Variants in COL7A1 observed in about 807,000 individuals in gnomAD.
COL7A1 encodes the protein collagen alpha-1(VII) chain.
COL7A1 carries 296 observed loss-of-function variants against 456.2 expected under a neutral mutation model. That is an observed-to-expected ratio of 0.65 (90% CI 0.59 to 0.71). The LOEUF is 0.71. Among genes scored for constraint, COL7A1 ranks in the 30% least tolerant of loss-of-function variants. The probability of loss-of-function intolerance (pLI) is 0.00; values close to 1 mark genes in which losing one functional copy is unlikely to be tolerated. For missense variants in COL7A1, 3,441 were observed against 4,017.2 expected (o/e 0.86, Z 3.88); for synonymous variants, 1,464 against 1,525.9 (o/e 0.96, Z 0.95).
In COL7A1 at chr3:48,587,015, C is replaced by T. The variant is rs748471791; in HGVS notation, c.3233G>A (p.Arg1078His). The T allele has an allele frequency of 7.0e-5, 112 of 1,602,866 alleles. 1 individual carries two copies. The South Asian group carries it at 8.5e-4, about 12-fold the overall frequency. Residue 1078 changes from arginine (R) to histidine (H), a missense_variant, in exon 25 of 119, where the codon CGT becomes CAT. By Grantham distance (29) the Arg-to-His change is conservative (BLOSUM62 0). Around this residue, in one of 3 missense-constraint regions of COL7A1, gnomAD observed 444 missense variants for 427.6 expected, o/e 1.04. Transcript: ENST00000681320. The surrounding 1 kb of genome is among the most constrained non-coding windows in gnomAD (Gnocchi z 6.1). ...RAEATRRVLE[R>H]LVLALGPLGP... ...AAGAGGCCCAAGTGCCAACACCAGACGCTCCAGGACCCTCCTCGTAGCCTC... is the reference window on the plus strand; with the variant it reads ...AAGAGGCCCAAGTGCCAACACCAGATGCTCCAGGACCCTCCTCGTAGCCTC...
In COL7A1 at chr3:48,573,054, A is replaced by C. The variant is rs1425057780; in HGVS notation, c.6717T>G (p.Gly2239=). The C allele has an allele frequency of 3.1e-6, 5 of 1,613,964 alleles. No individual in the cohort carries two copies. The highest frequency in any genetic ancestry group is 4.2e-6 in the Non-Finnish European group (5 of 1,180,016). ...CAGGCAAACCTGGAGACCCCTGTGG[A>C]CCCTGACGGAGAACAAGTCGGATGT... ...PGPPGPSGLV[G]PQGSPGLPGQ... Residue 2239 remains glycine, a splice_region_variant and synonymous_variant, in exon 86 of 119, where the codon GGT becomes GGG. Coordinates refer to ENST00000681320, the MANE Select transcript of COL7A1 (RefSeq NM_000094.4). The surrounding 1 kb of genome is among the most constrained non-coding windows in gnomAD (Gnocchi z 5.5).
chr3:48,564,189 C>T lies in COL7A1; in HGVS notation c.*217G>A. The stretch of plus-strand genomic sequence containing the variant: ...CCGCTCACTGCCCACAGCCACCCCC[C>T]CACAGTGAGTCATCTGCCAGGGTGG... On this transcript the variant is annotated 3_prime_UTR_variant, in exon 119 of 119. Transcript: ENST00000681320. The surrounding 1 kb of genome is among the most constrained non-coding windows in gnomAD (Gnocchi z 6.0). The T allele has an allele frequency of 1.6e-6, 1 of 644,682 alleles. No individual in the cohort carries two copies. Among genetic ancestry groups the T allele is most frequent in the South Asian group, 1.7e-5 (1 of 57,406 alleles). The allele number at this position is 644,682 out of a possible 1,614,324, so 39.9% of individuals were successfully genotyped here.
At position 48,569,682 on chromosome 3, in the gene COL7A1, A is replaced by G. The variant is rs776655855; in HGVS notation, c.7558-34T>C. ...GCAGGCAGGAATCAGAGGAGTCGGG[A>G]GCACCCTGGCCCCTGCCCTGCCCTC... On this transcript the variant is annotated intron_variant, in intron 101 of 118. Coordinates refer to ENST00000681320, the MANE Select transcript of COL7A1 (RefSeq NM_000094.4). This position sits in a 1 kb window ranked among gnomAD's most constrained non-coding sequence, Gnocchi z 4.9. The G allele has an allele frequency of 2.5e-6, 4 of 1,614,014 alleles. No homozygotes were observed. The highest frequency in any genetic ancestry group is 1.1e-5 in the South Asian group (1 of 91,072).
chr3:48,574,885 G>C lies in COL7A1; in HGVS notation c.6280-20C>G, dbSNP rs1406073635. The stretch of plus-strand genomic sequence containing the variant: ...AGACACCTACAAACACAAGGTCACA[G>C]GGGAGAGATGTCTCTGTCATAGAGG... On this transcript the variant is annotated intron_variant, in intron 76 of 118. Coordinates refer to ENST00000681320, the MANE Select transcript of COL7A1 (RefSeq NM_000094.4). This position sits in a 1 kb window ranked among gnomAD's most constrained non-coding sequence, Gnocchi z 5.0. The C allele has an allele frequency of 1.9e-6, 3 of 1,613,450 alleles. No homozygotes were observed. The highest frequency in any genetic ancestry group is 2.5e-6 in the Non-Finnish European group (3 of 1,179,824).
rs1355849498 is a variant in COL7A1 at position 48,582,595 on chromosome 3, A to C, written c.4563+14T>G. 1.9e-6 allele frequency: 3 copies of C among 1,613,680 alleles called. No homozygotes were observed. The African/African-American group carries it at 4.0e-5, about 22-fold the overall frequency. ...AAAGTCCCACTCCTGGTCCCACCAC[A>C]GTCACAGACTCACTTCAGGACCCTT... is the stretch of plus-strand genomic sequence containing the variant. On this transcript the variant is annotated intron_variant, in intron 45 of 118. Transcript: ENST00000681320.
Position 48,579,922 on chromosome 3 carries a change from G to A in COL7A1, c.5125-108C>T. The A allele has an allele frequency of 1.2e-6, 2 of 1,606,024 alleles. No individual in the cohort carries two copies. The highest frequency in any genetic ancestry group is 1.1e-5 in the South Asian group (1 of 90,880). ...TCCAGGGATCCGCGGAGGTTTCAGA[G>A]GGACAGTGGGGGAAGTGGGAGTTAG... On this transcript the variant is annotated intron_variant, in intron 57 of 118. Coordinates refer to ENST00000681320, the MANE Select transcript of COL7A1 (RefSeq NM_000094.4). This position sits in a 1 kb window ranked among gnomAD's most constrained non-coding sequence, Gnocchi z 4.4.
In COL7A1 at chr3:48,591,911, C is replaced by A; in HGVS notation, c.1344G>T (p.Trp448Cys). The A allele has an allele frequency of 6.2e-7, 1 of 1,614,204 alleles. No individual in the cohort carries two copies. The highest frequency in any genetic ancestry group is 1.1e-5 in the South Asian group (1 of 91,084). The part of the protein sequence containing the change: ...VPEARGYRLE[W>C]RRETGLEPPQ... ...CCCCGCACTGACCAGTCTCACGCCG[C>A]CATTCCAACCGGTAGCCACGGGCCT... Residue 448 changes from tryptophan (W) to cysteine (C), a missense_variant, in exon 11 of 119, where the codon TGG becomes TGT. Trp to Cys is a radical substitution (Grantham distance 215, BLOSUM62 -2). This residue lies in a region of COL7A1 where 913 missense variants were observed against 1,088.2 expected (regional missense o/e 0.84). Transcript: ENST00000681320. The surrounding 1 kb of genome is among the most constrained non-coding windows in gnomAD (Gnocchi z 7.0).
rs1027337273 is a variant in COL7A1, at chr3:48,581,692, T to A, written c.4722+14A>T. 5.0e-6 allele frequency: 8 copies of A among 1,613,938 alleles called. No individual in the cohort carries two copies. In the Admixed American group the frequency reaches 8.3e-5, roughly 17 times the overall value. On this transcript the variant is annotated intron_variant, in intron 49 of 118. Transcript: ENST00000681320. The surrounding 1 kb of genome is among the most constrained non-coding windows in gnomAD (Gnocchi z 5.8). ...CCTTCACCAACTGCCCCCTAAACAC[T>A]TCGCTTCACTTACCCGTTCCCCTTG...
At chr3:48,576,646 T>C (rs2044322473) in intron 68 of COL7A1, 30 bp downstream of exon 68, 1 of 1,595,292 alleles carries the variant, frequency 6.3e-7, no homozygotes, top group African/African-American at 1.3e-5. Flanking sequence ...TCTAATGCTC[T>C]GAAGTCCCAG....
At position 48,574,535 on chromosome 3, in the gene COL7A1, T is replaced by G. The variant is rs751555145; in HGVS notation, c.6409A>C (p.Lys2137Gln). 1.9e-6 allele frequency: 3 copies of G among 1,613,990 alleles called. No homozygotes were observed. Among genetic ancestry groups the G allele is most frequent in the East Asian group, 2.2e-5 (1 of 44,886 alleles). ...PKGDRGVPGIKGDRGEPGPRG... is the reference protein window; with the variant it reads ...PKGDRGVPGIQGDRGEPGPRG... ...GGTCCAGGCTCTCCCCGGTCTCCTT[T>G]GATGCCTGGCACACCCTGAAGGCAG... The change falls in exon 79 of 119, where the codon AAA (lysine) becomes CAA (glutamine). Residue 2137 changes from lysine to glutamine, a missense_variant. Transcript: ENST00000681320. This position sits in a 1 kb window ranked among gnomAD's most constrained non-coding sequence, Gnocchi z 5.0.
In COL7A1 at chr3:48,564,935, G is replaced by A. The variant is rs756244275; in HGVS notation, c.8666C>T (p.Thr2889Ile). ...PLDEGSCTAY[T>I]LRWYHRAVTG... ...CACAGCCCGATGGTACCAGCGCAGG[G>A]TGTAGGCAGTGCAGGAGCCCTCATC... is the stretch of plus-strand genomic sequence containing the variant. The change falls in exon 118 of 119, where the codon ACC (threonine) becomes ATC (isoleucine). Residue 2889 changes from threonine (T) to isoleucine (I), a missense_variant. Transcript: ENST00000681320. The surrounding 1 kb of genome is among the most constrained non-coding windows in gnomAD (Gnocchi z 6.0). 7.4e-6 allele frequency: 12 copies of A among 1,614,120 alleles called. No homozygotes were observed. The highest frequency in any genetic ancestry group is 1.6e-4 in the Middle Eastern group (1 of 6,084).
In COL7A1 at chr3:48,583,046, G is replaced by A. The variant is rs367958901; in HGVS notation, c.4485C>T (p.Gly1495=). ...PGPLGEAGEK[G]ERGPPGPAGS... is the part of the protein sequence containing the mutation. The stretch of plus-strand genomic sequence containing the variant: ...CCGCTGGGCCTGGGGGTCCACGTTC[G>A]CCCTGATGGAAAAGAAGAGGTCAGA... The change falls in exon 44 of 119, where the codon GGC becomes GGT. Residue 1495 remains glycine, a splice_region_variant and synonymous_variant. Transcript: ENST00000681320. This position sits in a 1 kb window ranked among gnomAD's most constrained non-coding sequence, Gnocchi z 5.1. 175 of 1,613,826 alleles carry A rather than the reference G, an allele frequency of 1.1e-4. No individual in the cohort carries two copies. Among genetic ancestry groups the A allele is most frequent in the Non-Finnish European group, 1.4e-4 (167 of 1,179,976 alleles).
chr3:48,578,693 C>T lies in COL7A1; in HGVS notation c.5425-178G>A, dbSNP rs1384521112. ...TGGATGGGGGCCCCTGCTGAGACTC[C>T]CAAGGGAAGAACCCCCAGGACTTGG... On this transcript the variant is annotated intron_variant, in intron 63 of 118. Coordinates refer to ENST00000681320, the MANE Select transcript of COL7A1 (RefSeq NM_000094.4). The surrounding 1 kb of genome is among the most constrained non-coding windows in gnomAD (Gnocchi z 4.7). 6.6e-6 allele frequency among the ~76,000 whole-genome samples: 1 copy of T among 152,158 alleles called. No homozygotes were observed. Among genetic ancestry groups the T allele is most frequent in the African/African-American group, 2.4e-5 (1 of 41,432 alleles).
Position 48,572,218 on chromosome 3 carries a change from A to T in COL7A1, c.6979-47T>A. ...CAACACAGGCATCAGTCACAGAAAG[A>T]TGAGACTCCGGAGGGAGGCATGGGG... On this transcript the variant is annotated intron_variant, in intron 90 of 118. Coordinates refer to ENST00000681320, the MANE Select transcript of COL7A1 (RefSeq NM_000094.4). This position sits in a 1 kb window ranked among gnomAD's most constrained non-coding sequence, Gnocchi z 4.6. 1 of 1,613,826 alleles carries T rather than the reference A, an allele frequency of 6.2e-7. No homozygotes were observed.
In COL7A1 at chr3:48,583,078, T is replaced by G. The variant is rs1310894688; in HGVS notation, c.4483-30A>C. ...TGGAAAAGAAGAGGTCAGAGCTGAG[T>G]TGGGCCCAGATCCTCCAGGGCCCTT... On this transcript the variant is annotated intron_variant, in intron 43 of 118. Coordinates refer to ENST00000681320, the MANE Select transcript of COL7A1 (RefSeq NM_000094.4). This position sits in a 1 kb window ranked among gnomAD's most constrained non-coding sequence, Gnocchi z 5.1. 1.2e-5 allele frequency: 20 copies of G among 1,613,770 alleles called. No individual in the cohort carries two copies. Among genetic ancestry groups the G allele is most frequent in the Non-Finnish European group, 1.6e-5 (19 of 1,179,964 alleles).
In COL7A1 at chr3:48,585,535, C is replaced by T. The variant is rs956380825; in HGVS notation, c.3894+22G>A. ...AGCTTTGAGGAGTGCCTCAGAGAAA[C>T]CTCGATGGTCTCCACACTCACCCTC... On this transcript the variant is annotated intron_variant, in intron 32 of 118. Coordinates refer to ENST00000681320, the MANE Select transcript of COL7A1 (RefSeq NM_000094.4). The surrounding 1 kb of genome is among the most constrained non-coding windows in gnomAD (Gnocchi z 4.5). The T allele has an allele frequency of 6.2e-7, 1 of 1,613,476 alleles. No homozygotes were observed. The highest frequency in any genetic ancestry group is 8.5e-7 in the Non-Finnish European group (1 of 1,179,902).
Position 48,592,095 on chromosome 3 carries a change from T to C in COL7A1, c.1240+7A>G. 1 of 1,614,116 alleles carries C rather than the reference T, an allele frequency of 6.2e-7. No homozygotes were observed. Among genetic ancestry groups the C allele is most frequent in the Non-Finnish European group, 8.5e-7 (1 of 1,179,992 alleles). The stretch of plus-strand genomic sequence containing the variant: ...CCCAGCCTGAAGAAAGTGCCCAGCC[T>C]TCTCACCAGTGCGAGCCATCAGGGA... On this transcript the variant is annotated splice_region_variant and intron_variant, in intron 10 of 118. Coordinates refer to ENST00000681320, the MANE Select transcript of COL7A1 (RefSeq NM_000094.4). The surrounding 1 kb of genome is among the most constrained non-coding windows in gnomAD (Gnocchi z 7.6).
chr3:48,594,655 C>T lies in COL7A1; in HGVS notation c.86-107G>A. 1 of 1,346,026 alleles carries T rather than the reference C, an allele frequency of 7.4e-7. No homozygotes were observed. Among genetic ancestry groups the T allele is most frequent in the Non-Finnish European group, 1.0e-6 (1 of 983,124 alleles). 83.4% of individuals were successfully genotyped at this position (1,346,026 alleles called of 1,614,324 possible). A position where few individuals can be genotyped will look rare whatever the true frequency, so the allele number is the denominator to read the frequency against. On this transcript the variant is annotated intron_variant, in intron 2 of 118. Transcript: ENST00000681320. The surrounding 1 kb of genome is among the most constrained non-coding windows in gnomAD (Gnocchi z 5.5). ...GGATGGTGGGGAGAGTAGGCCTCAT[C>T]TTATGCAAACCAGGGCCGAATCGGC...
In COL7A1 at chr3:48,593,769, A is replaced by G; in HGVS notation, c.267-73T>C. The G allele has an allele frequency of 6.4e-7, 1 of 1,566,168 alleles. No homozygotes were observed. The highest frequency in any genetic ancestry group is 8.8e-7 in the Non-Finnish European group (1 of 1,136,658). ...TGGCCCTGGCCTTGAGGAGGCCTCT[A>G]GGGTGAGGGTTACGGGTATCAGGCT... is the stretch of plus-strand genomic sequence containing the variant. On this transcript the variant is annotated intron_variant, in intron 3 of 118. Coordinates refer to ENST00000681320, the MANE Select transcript of COL7A1 (RefSeq NM_000094.4). This position sits in a 1 kb window ranked among gnomAD's most constrained non-coding sequence, Gnocchi z 4.4.
Sources: gnomAD v4.1 joint callset for allele counts (sites outside exome capture counted in the v4.1 genomes callset) on GRCh38, gnomAD v4.1.1 for gene constraint, gnomAD v4.1.1 regional missense constraint, Gnocchi (gnomAD v3.1) non-coding constraint, MANE v1.5 for transcripts, NCBI Gene and HGNC (gene_info 2026-07-23, HGNC 2026-07-21) for gene names.